The following TSPAN18 variants were observed in gnomAD, a reference collection of about 807,000 sequenced individuals.
The protein encoded by TSPAN18 is tetraspanin-18.
Under a neutral mutation model 27.3 loss-of-function variants are expected in TSPAN18, and 14 were observed. The ratio of observed to expected loss-of-function variants is 0.51; its 90% CI spans 0.34 to 0.80. The LOEUF is 0.80. Ranked by LOEUF, TSPAN18 falls within the 30% of genes least tolerant of loss-of-function variation. The pLI, the probability that TSPAN18 is intolerant of heterozygous loss-of-function variation, is 0.01. For missense variants in TSPAN18, 268 were observed against 323.9 expected (o/e 0.83, Z 1.32); for synonymous variants, 143 against 136.5 (o/e 1.05, Z -0.33).
intron 2 of TSPAN18, among the ~76,000 whole-genome samples, chr11:44,828,262 C>G (rs1857084602): frequency 6.6e-6 from 1 of 152,122 alleles, no homozygotes; most frequent in Admixed American, 6.5e-5. Flanking sequence ...CTGCATCATT[C>G]TGATCCCGAA....
chr11:44,872,924 G>T (rs1342772936), intron 3 of TSPAN18, among the ~76,000 whole-genome samples: 1 of 152,210 alleles, frequency 6.6e-6, no homozygotes, highest in African/African-American at 2.4e-5. Context: ...GCAGTGGCAG[G>T]ACTGCATGCT....
intron 2 of TSPAN18, among the ~76,000 whole-genome samples, chr11:44,781,084 C>G (rs1455834002): frequency 6.6e-6 from 1 of 152,206 alleles, no homozygotes; most frequent in African/African-American, 2.4e-5. Context: ...TGCAGAGGGC[C>G]GGAGGAGCAG....
chr11:44,731,631 TGTGAGA>T (rs1169165895), intron 1 of TSPAN18, among the ~76,000 whole-genome samples: 23 of 60,502 alleles, frequency 3.8e-4, no homozygotes, highest in African/African-American at 1.0e-3. Context: ...TGTGTGTGTG[TGTGAGA>T]GAGAGAGAGA....
intron 3 of TSPAN18, among the ~76,000 whole-genome samples, chr11:44,893,842 T>C (rs1338489592): frequency 1.3e-5 from 2 of 152,218 alleles, no homozygotes; most frequent in Non-Finnish European, 2.9e-5. Context: ...CCTGTCCCAG[T>C]CCTCCCCACA....
intron 3 of TSPAN18, among the ~76,000 whole-genome samples, chr11:44,884,186 C>T (rs1858573412): frequency 6.6e-6 from 1 of 152,114 alleles, no homozygotes; most frequent in Non-Finnish European, 1.5e-5. Flanking sequence ...CCTTCCCAGG[C>T]ACAGCAGGCT....
intron 3 of TSPAN18, among the ~76,000 whole-genome samples, chr11:44,874,287 G>A (rs1036495695): frequency 6.6e-6 from 1 of 152,170 alleles, no homozygotes; most frequent in Non-Finnish European, 1.5e-5. Flanking sequence ...CCTGGGCATG[G>A]GGAAAAGGGT....
chr11:44,733,369 C>G (rs1034061158), intron 1 of TSPAN18, among the ~76,000 whole-genome samples: 3 of 152,216 alleles, frequency 2.0e-5, no homozygotes, highest in African/African-American at 7.2e-5. Context: ...GAGATTATTT[C>G]TGGGCAGATC....
At chr11:44,911,595 A>C (rs535554320) in intron 5 of TSPAN18, among the ~76,000 whole-genome samples, 20 of 152,230 alleles carry the variant, frequency 1.3e-4, no homozygotes, top group Non-Finnish European at 2.4e-4. Flanking sequence ...AGGAGCTTGG[A>C]TATGGGTCCC....
At chr11:44,733,115 A>G (rs1258157509) in intron 1 of TSPAN18, among the ~76,000 whole-genome samples, 1 of 152,230 alleles carries the variant, frequency 6.6e-6, no homozygotes, top group Non-Finnish European at 1.5e-5. Flanking sequence ...CAGAACTGTC[A>G]TCTGGCCCCA....
chr11:44,833,845 A>C (rs960611738), intron 2 of TSPAN18, among the ~76,000 whole-genome samples: 1 of 151,860 alleles, frequency 6.6e-6, no homozygotes, highest in Admixed American at 6.6e-5. Flanking sequence ...GCTGGGGATA[A>C]AGACACCCTC....
At chr11:44,796,328 C>T (rs924253798) in intron 2 of TSPAN18, among the ~76,000 whole-genome samples, 2 of 152,098 alleles carry the variant, frequency 1.3e-5, no homozygotes, top group Admixed American at 6.5e-5. Context: ...TCAGTTTTTA[C>T]GATGTTTTTG....
At chr11:44,895,407 AG>A (rs957021065) in intron 3 of TSPAN18, among the ~76,000 whole-genome samples, 17 of 152,112 alleles carry the variant, frequency 1.1e-4, no homozygotes, top group Non-Finnish European at 1.9e-4. Context: ...CACCTTGGAG[AG>A]GGGGGTGACT....
At chr11:44,828,799 C>G (rs527642284) in intron 2 of TSPAN18, among the ~76,000 whole-genome samples, 8 of 152,192 alleles carry the variant, frequency 5.3e-5, no homozygotes, top group African/African-American at 1.9e-4. Flanking sequence ...TGACTCTCCC[C>G]CTGCTTCACT....
At position 44,926,832 on chromosome 11, in the gene TSPAN18, T is replaced by C. The variant is rs1056408512; in HGVS notation, c.699+75T>C. The stretch of plus-strand genomic sequence containing the variant: ...GGAGCCTAGGCAGATCCCCCCAGCC[T>C]CCTTTCCTCTTCATTTCCTTCACCT... On this transcript the variant is annotated intron_variant, in intron 9 of 9. Transcript: ENST00000520358. 9.9e-6 allele frequency: 15 copies of C among 1,515,586 alleles called. No homozygotes were observed. The Admixed American group carries it at 1.0e-4, about 10-fold the overall frequency. The allele number at this position is 1,515,586 out of a possible 1,614,324, so 93.9% of individuals were successfully genotyped here. A position where few individuals can be genotyped will look rare whatever the true frequency, so the allele number is the denominator to read the frequency against.
chr11:44,831,642 A>C (rs772876618), intron 2 of TSPAN18, among the ~76,000 whole-genome samples: 5 of 152,198 alleles, frequency 3.3e-5, no homozygotes, highest in Admixed American at 6.5e-5. Flanking sequence ...TCATTCATTT[A>C]TTCACAAATC....
At chr11:44,773,683 G>GT (rs1192058939) in intron 2 of TSPAN18, among the ~76,000 whole-genome samples, 7 of 152,146 alleles carry the variant, frequency 4.6e-5, no homozygotes. Flanking sequence ...GAGGGTTGCT[G>GT]TGGGGGGATG....
At chr11:44,920,278 C>A (rs1215055250) in intron 8 of TSPAN18, among the ~76,000 whole-genome samples, 1 of 152,072 alleles carries the variant, frequency 6.6e-6, no homozygotes, top group Admixed American at 6.5e-5. Context: ...GTAGGAGTTT[C>A]CCGATGTTTC....
intron 2 of TSPAN18, among the ~76,000 whole-genome samples, chr11:44,815,021 C>A (rs1261323901): frequency 2.0e-5 from 3 of 152,116 alleles, no homozygotes; most frequent in African/African-American, 7.2e-5. Context: ...GCATTCCAGG[C>A]AGAGGAAATG....
At chr11:44,842,381 C>T (rs978251425) in intron 2 of TSPAN18, among the ~76,000 whole-genome samples, 1 of 152,220 alleles carries the variant, frequency 6.6e-6, no homozygotes, top group Non-Finnish European at 1.5e-5. Context: ...TGTAAAGATA[C>T]ATCTGCTAGC....
Sources: allele counts gnomAD v4.1 joint callset (sites outside exome capture counted in the v4.1 genomes callset), GRCh38; gene constraint gnomAD v4.1.1; transcripts MANE v1.5; gene names NCBI Gene and HGNC (gene_info 2026-07-23, HGNC 2026-07-21).